Variants in DMXL1 observed in about 807,000 individuals in gnomAD.
DMXL1 encodes Dmx like 1.
Under a neutral mutation model 319.2 loss-of-function variants are expected in DMXL1, and 99 were observed. That is an observed-to-expected ratio of 0.31 (90% CI 0.26 to 0.37). The LOEUF is 0.37. Among genes scored for constraint, DMXL1 ranks in the 10% least tolerant of loss-of-function variants. The pLI, the probability that DMXL1 is intolerant of heterozygous loss-of-function variation, is 1.00. For missense variants in DMXL1, 3,745 were observed against 3,595.6 expected (o/e 1.04, Z -1.06); for synonymous variants, 1,385 against 1,235.2 (o/e 1.12, Z -2.54).
chr5:119,106,320 T>C (rs895644136), intron 4 of DMXL1, among the ~76,000 whole-genome samples: 2 of 152,194 alleles, frequency 1.3e-5, no homozygotes, highest in African/African-American at 2.4e-5. Context: ...CCAGCTAATA[T>C]TAAGGGTTGG....
At position 119,206,545 on chromosome 5, in the gene DMXL1, C is replaced by T. The variant is rs547146803; in HGVS notation, c.7864-289C>T. The T allele has an allele frequency of 2.8e-5, 6 of 210,944 alleles. No homozygotes were observed. The East Asian group carries it at 5.0e-4, about 17-fold the overall frequency. 13.1% of individuals were successfully genotyped at this position (210,944 alleles called of 1,614,324 possible). A position where few individuals can be genotyped will look rare whatever the true frequency, so the allele number is the denominator to read the frequency against. On this transcript the variant is annotated intron_variant, in intron 33 of 43. Coordinates refer to ENST00000539542, the MANE Select transcript of DMXL1 (RefSeq NM_001290321.3). ...TAATATAAAGTATTTTGGTTTCAAT[C>T]GTGCTTTAATGTCAACATTTCGAAA...
chr5:119,212,141 A>G (rs1011671933), intron 34 of DMXL1, among the ~76,000 whole-genome samples: 33 of 152,132 alleles, frequency 2.2e-4, no homozygotes, highest in African/African-American at 4.3e-4. Context: ...CAACCAACAC[A>G]CCATCCATCT....
At chr5:119,139,372 A>T (rs1163529066) in intron 13 of DMXL1, among the ~76,000 whole-genome samples, 1 of 152,196 alleles carries the variant, frequency 6.6e-6, no homozygotes, top group Non-Finnish European at 1.5e-5. Context: ...TGTGGTCTTC[A>T]AGAGACCCCT....
chr5:119,104,844 A>G (rs1353647799), intron 3 of DMXL1, among the ~76,000 whole-genome samples: 1 of 152,218 alleles, frequency 6.6e-6, no homozygotes, highest in Non-Finnish European at 1.5e-5. Context: ...AGAGAAGGAA[A>G]TGTCAAATAG....
In DMXL1 at chr5:119,241,188, A is replaced by G. The variant is rs553978316; in HGVS notation, c.8704+717A>G. 1.2e-4 allele frequency among the ~76,000 whole-genome samples: 18 copies of G among 152,328 alleles called. No homozygotes were observed. In the East Asian group the frequency reaches 2.1e-3, roughly 18 times the overall value. On this transcript the variant is annotated intron_variant, in intron 42 of 43. Coordinates refer to ENST00000539542, the MANE Select transcript of DMXL1 (RefSeq NM_001290321.3). ...AAATCATGAGTACATACAGTAGTGTACTGTATTTATTGATATTGTAAAGTT... is the reference window on the plus strand; with the variant it reads ...AAATCATGAGTACATACAGTAGTGTGCTGTATTTATTGATATTGTAAAGTT...
chr5:119,226,607 G>A (rs1186631008), intron 38 of DMXL1, among the ~76,000 whole-genome samples: 1 of 152,054 alleles, frequency 6.6e-6, no homozygotes, highest in East Asian at 1.9e-4. Context: ...TTATAATTTG[G>A]TTTAATTATG....
At chr5:119,182,256 C>CA (rs1170323240) in intron 28 of DMXL1, among the ~76,000 whole-genome samples, 3 of 152,214 alleles carry the variant, frequency 2.0e-5, no homozygotes, top group Non-Finnish European at 2.9e-5. Context: ...AATTTTTTAT[C>CA]TTTTAAATTT....
At chr5:119,190,256 A>G (rs1221495174) in intron 29 of DMXL1, among the ~76,000 whole-genome samples, 3 of 152,224 alleles carry the variant, frequency 2.0e-5, no homozygotes, top group African/African-American at 7.2e-5. Context: ...ATACTACAGC[A>G]GTCTCTCATT....
In DMXL1 at chr5:119,221,059, A is replaced by G. The variant is rs112977589; in HGVS notation, c.8255A>G (p.Gln2752Arg). 1 of 1,611,772 alleles carries G rather than the reference A, an allele frequency of 6.2e-7. No individual in the cohort carries two copies. The highest frequency in any genetic ancestry group is 1.3e-5 in the African/African-American group (1 of 74,988). The change falls in exon 37 of 44, where the codon CAG becomes CGG. Residue 2752 changes from glutamine to arginine, a missense_variant. Physicochemically the swap from Gln to Arg is conservative, Grantham distance 43. Coordinates refer to ENST00000539542, the MANE Select transcript of DMXL1 (RefSeq NM_001290321.3). ...PINMPWLGSTQTGRGASVMIK... is the reference protein window; with the variant it reads ...PINMPWLGSTRTGRGASVMIK... The stretch of plus-strand genomic sequence containing the variant: ...AACATGCCATGGCTTGGTAGTACAC[A>G]GACTGGCAGAGGAGCATCTGTGGTA...
chr5:119,242,543 G>T (rs1003639868), intron 42 of DMXL1, among the ~76,000 whole-genome samples: 15 of 152,078 alleles, frequency 9.9e-5, no homozygotes, highest in African/African-American at 3.6e-4. Flanking sequence ...AGTTCGTCTT[G>T]ATTTTATAGA....
chr5:119,097,870 T>G, intron 1 of DMXL1, 109 bp from the exon 2 acceptor site: 2 of 1,069,770 alleles, frequency 1.9e-6, no homozygotes, highest in Non-Finnish European at 2.6e-6. Flanking sequence ...AAATTGGTCT[T>G]TTAAAACATT....
At chr5:119,119,742 C>T (rs1287190939) in intron 8 of DMXL1, among the ~76,000 whole-genome samples, 1 of 152,114 alleles carries the variant, frequency 6.6e-6, no homozygotes, top group African/African-American at 2.4e-5. Context: ...AACTCTTGAC[C>T]TCAAGTGATC....
At chr5:119,140,949 C>A (rs1019943557) in intron 13 of DMXL1, among the ~76,000 whole-genome samples, 5 of 152,036 alleles carry the variant, frequency 3.3e-5, no homozygotes, top group African/African-American at 1.2e-4. Flanking sequence ...AAGTTTTGTT[C>A]AACATATGAA....
intron 42 of DMXL1, among the ~76,000 whole-genome samples, chr5:119,241,544 A>G (rs949544635): frequency 6.6e-6 from 1 of 151,988 alleles, no homozygotes; most frequent in East Asian, 1.9e-4. Context: ...CAAAAAAAAA[A>G]AAAAAAAAAA....
chr5:119,125,855 C>T (rs534166880), intron 9 of DMXL1, among the ~76,000 whole-genome samples: 43 of 152,196 alleles, frequency 2.8e-4, no homozygotes, highest in African/African-American at 9.2e-4. Context: ...TGAGCCACCG[C>T]GCCTGGCCAA....
intron 28 of DMXL1, among the ~76,000 whole-genome samples, chr5:119,181,119 T>C (rs546121227): frequency 1.3e-5 from 2 of 152,326 alleles, no homozygotes; most frequent in Admixed American, 6.5e-5. Flanking sequence ...TTAACCACTC[T>C]AGTTGTTGGT....
At chr5:119,091,784 A>T (rs1754851760) in intron 1 of DMXL1, among the ~76,000 whole-genome samples, 1 of 152,136 alleles carries the variant, frequency 6.6e-6, no homozygotes, top group African/African-American at 2.4e-5. Context: ...ATGTGCTGGA[A>T]ACCTGTGGGA....
intron 34 of DMXL1, among the ~76,000 whole-genome samples, chr5:119,214,348 C>G (rs1044524065): frequency 2.0e-5 from 3 of 152,172 alleles, no homozygotes; most frequent in African/African-American, 7.2e-5. Flanking sequence ...TAATCCAACC[C>G]ACTATGATCT....
chr5:119,244,689 G>T lies in DMXL1; in HGVS notation c.8922+113G>T, dbSNP rs561356670. 6.4e-4 allele frequency: 443 copies of T among 688,550 alleles called. 2 individuals are homozygous for T. Among genetic ancestry groups the T allele is most frequent in the East Asian group, 3.7e-3 (134 of 35,942 alleles). The allele number at this position is 688,550 out of a possible 1,614,324, so 42.7% of individuals were successfully genotyped here. On this transcript the variant is annotated intron_variant, in intron 43 of 43. Transcript: ENST00000539542. The stretch of plus-strand genomic sequence containing the variant: ...AAATAATAGTTATATTAATTCCTTT[G>T]TAGTCAGCAGTGCTAATTGCTATTT...
Sources: allele counts gnomAD v4.1 joint callset (sites outside exome capture counted in the v4.1 genomes callset), GRCh38; gene constraint gnomAD v4.1.1; transcripts MANE v1.5; gene names NCBI Gene and HGNC (gene_info 2026-07-23, HGNC 2026-07-21).